Variants in PLOD2 observed in about 807,000 individuals in gnomAD.
PLOD2 encodes the protein procollagen-lysine,2-oxoglutarate 5-dioxygenase 2, also known as lysine hydroxylase 2.
In PLOD2, 65 loss-of-function variants were observed where a neutral mutation model predicts 101.0. That is an observed-to-expected ratio of 0.64 (90% CI 0.53 to 0.79). The LOEUF (loss-of-function observed/expected upper bound fraction) is 0.79, where lower values mean the gene tolerates loss of function less well. PLOD2 is among the 30% of genes least tolerant of loss of function. PLOD2 has a pLI of 0.00. For synonymous variants in PLOD2, 314 were observed against 302.9 expected, an observed-to-expected ratio of 1.04 and a Z score of -0.38; for missense variants, 909 against 914.6, an observed-to-expected ratio of 0.99 and a Z score of 0.08.
intron 1 of PLOD2, among the ~76,000 whole-genome samples, chr3:146,149,049 C>T (rs1219737703): frequency 1.3e-5 from 2 of 152,236 alleles, no homozygotes; most frequent in African/African-American, 2.4e-5. Context: ...TCACATTTTA[C>T]ATAAGCATAA....
At chr3:146,130,069 C>T (rs2030818511) in intron 1 of PLOD2, among the ~76,000 whole-genome samples, 1 of 152,152 alleles carries the variant, frequency 6.6e-6, no homozygotes, top group Admixed American at 6.5e-5. Flanking sequence ...GGTTACTTCT[C>T]TCCTCTCCAA....
At chr3:146,107,031 G>T (rs1183848147) in intron 4 of PLOD2, among the ~76,000 whole-genome samples, 1 of 152,138 alleles carries the variant, frequency 6.6e-6, no homozygotes, top group African/African-American at 2.4e-5. Context: ...TGGATTCTCT[G>T]CGGAGAACTC....
intron 1 of PLOD2, among the ~76,000 whole-genome samples, chr3:146,132,518 C>T (rs2030977513): frequency 6.6e-6 from 1 of 151,900 alleles, no homozygotes; most frequent in Non-Finnish European, 1.5e-5. Flanking sequence ...TTTATAGATA[C>T]TTCAAACCAA....
chr3:146,131,912 C>A (rs1183321146), intron 1 of PLOD2, among the ~76,000 whole-genome samples: 1 of 144,652 alleles, frequency 6.9e-6, no homozygotes, highest in Non-Finnish European at 1.5e-5. Flanking sequence ...AAGAGTAATT[C>A]ACGTCACAAT....
chr3:146,130,441 T>C (rs74986322), intron 1 of PLOD2, among the ~76,000 whole-genome samples: 2,436 of 152,274 alleles, frequency 0.016, 70 homozygotes, highest in African/African-American at 0.056. Context: ...AGTCTCTCTC[T>C]CCAATGAGAC....
rs1936982375 is a variant in PLOD2 at position 146,091,868 on chromosome 3, T to C, written c.811A>G (p.Asn271Asp). ...CAGCCATTATCCTGTGTCCATGAAT[T>C]GGGTACATAGTTTCCAAAATAATTC... ...LLNYFGNYVP[N>D]SWTQDNGCTL... Residue 271 changes from asparagine (N) to aspartate (D), a missense_variant, in exon 8 of 20, where the codon AAT becomes GAT. By Grantham distance (23) the Asn-to-Asp change is conservative. Coordinates refer to ENST00000282903, the MANE Select transcript of PLOD2 (RefSeq NM_182943.3). 10 of 1,605,244 alleles carry C rather than the reference T, an allele frequency of 6.2e-6. No homozygotes were observed. Among genetic ancestry groups the C allele is most frequent in the Non-Finnish European group, 8.5e-6 (10 of 1,172,284 alleles).
chr3:146,072,711 CT>C (rs755188025), intron 16 of PLOD2, 46 bp from the exon 17 acceptor site: 1 of 1,127,896 alleles, frequency 8.9e-7, no homozygotes, highest in Non-Finnish European at 1.3e-6. Flanking sequence ...ACTTCTGTGT[CT>C]TAATAGTCTA....
At chr3:146,114,122 A>C in intron 3 of PLOD2, among the ~76,000 whole-genome samples, 1 of 152,110 alleles carries the variant, frequency 6.6e-6, no homozygotes, top group South Asian at 2.1e-4. Flanking sequence ...CTGCTCTCAA[A>C]CCCTGTCTCC....
chr3:146,076,765 G>T lies in PLOD2; in HGVS notation c.1677+17C>A. The T allele has an allele frequency of 9.1e-7, 1 of 1,103,168 alleles. No homozygotes were observed. The highest frequency in any genetic ancestry group is 1.4e-6 in the Non-Finnish European group (1 of 719,434). The allele number at this position is 1,103,168 out of a possible 1,614,324, so 68.3% of individuals were successfully genotyped here. A position where few individuals can be genotyped will look rare whatever the true frequency, so the allele number is the denominator to read the frequency against. Reference sequence around the variant, plus strand: ...ACAGTTATAGAAAAATAATAAAGTTGAGTATGAAATACATACCACAGGATT... The same window carrying T: ...ACAGTTATAGAAAAATAATAAAGTTTAGTATGAAATACATACCACAGGATT... On this transcript the variant is annotated intron_variant, in intron 15 of 19. Coordinates refer to ENST00000282903, the MANE Select transcript of PLOD2 (RefSeq NM_182943.3).
intron 8 of PLOD2, among the ~76,000 whole-genome samples, chr3:146,090,037 C>T (rs560338163): frequency 7.9e-5 from 12 of 151,382 alleles, no homozygotes; most frequent in South Asian, 4.2e-4. Flanking sequence ...AACATTATAA[C>T]AGTTAACATT....
chr3:146,106,249 T>G (rs1387875457), intron 5 of PLOD2, among the ~76,000 whole-genome samples: 3 of 152,158 alleles, frequency 2.0e-5, no homozygotes, highest in Non-Finnish European at 2.9e-5. Context: ...AGCACTGCAT[T>G]ATATAGTTCT....
chr3:146,143,415 G>GT (rs149877528), intron 1 of PLOD2, among the ~76,000 whole-genome samples: 13,624 of 152,032 alleles, frequency 0.09, 779 homozygotes, highest in South Asian at 0.15. Flanking sequence ...CTTAACTCCT[G>GT]TTTTTCTCTC....
At chr3:146,140,403 C>T (rs368954548) in intron 1 of PLOD2, among the ~76,000 whole-genome samples, 3 of 151,996 alleles carry the variant, frequency 2.0e-5, no homozygotes, top group African/African-American at 2.4e-5. Context: ...GACCTAGAAA[C>T]GAGGGTAAGC....
At chr3:146,114,487 ACT>A (rs1937806818) in intron 3 of PLOD2, among the ~76,000 whole-genome samples, 1 of 152,082 alleles carries the variant, frequency 6.6e-6, no homozygotes, top group South Asian at 2.1e-4. Context: ...AACCAGACAT[ACT>A]CTCAGTGGAG....
At chr3:146,074,057 TTCTC>T (rs1936244474) in intron 15 of PLOD2, among the ~76,000 whole-genome samples, 1 of 151,412 alleles carries the variant, frequency 6.6e-6, no homozygotes, top group African/African-American at 2.4e-5. Context: ...AAAAAATGGT[TTCTC>T]TTTATTCTAA....
rs372014117 is a variant in PLOD2, at chr3:146,085,130, C to A, written c.1232+39G>T. On this transcript the variant is annotated intron_variant, in intron 11 of 19. Coordinates refer to ENST00000282903, the MANE Select transcript of PLOD2 (RefSeq NM_182943.3). ...TGTTCACATCAATATGAAAAATAATCATTTTAACAATAAATTGATATCGAA... is the reference window on the plus strand; with the variant it reads ...TGTTCACATCAATATGAAAAATAATAATTTTAACAATAAATTGATATCGAA... 9.6e-6 allele frequency: 9 copies of A among 934,526 alleles called. No individual in the cohort carries two copies. In the African/African-American group the frequency reaches 1.3e-4, roughly 14 times the overall value. The allele number at this position is 934,526 out of a possible 1,614,324, so 57.9% of individuals were successfully genotyped here.
intron 1 of PLOD2, among the ~76,000 whole-genome samples, chr3:146,155,086 G>A (rs1334688368): frequency 1.3e-5 from 2 of 152,144 alleles, no homozygotes; most frequent in Admixed American, 6.5e-5. Context: ...CAGTCGGGCA[G>A]TAATCAATTC....
At chr3:146,134,964 G>C (rs76284155) in intron 1 of PLOD2, among the ~76,000 whole-genome samples, 1,817 of 152,264 alleles carry the variant, frequency 0.012, 39 homozygotes, top group African/African-American at 0.042. Context: ...ATTAAAAGCA[G>C]ACCTGATAAA....
chr3:146,141,270 C>T (rs2031508680), intron 1 of PLOD2, among the ~76,000 whole-genome samples: 1 of 152,020 alleles, frequency 6.6e-6, no homozygotes, highest in Non-Finnish European at 1.5e-5. Flanking sequence ...ATAAAATGAT[C>T]ACTACTGCAT....
Sources: allele counts gnomAD v4.1 joint callset (sites outside exome capture counted in the v4.1 genomes callset), GRCh38; gene constraint gnomAD v4.1.1; transcripts MANE v1.5; gene names NCBI Gene and HGNC (gene_info 2026-07-23, HGNC 2026-07-21).